The following CA4 variants were observed in gnomAD, a reference collection of about 807,000 sequenced individuals.
CA4 encodes the protein carbonic anhydrase 4, also known as CA-IV.
A neutral mutation model predicts 34.5 loss-of-function variants in CA4; 24 were observed. The ratio of observed to expected loss-of-function variants is 0.70; its 90% confidence interval spans 0.50 to 0.98. CA4 has a LOEUF of 0.98. Among genes scored for constraint, CA4 ranks in the 50% least tolerant of loss-of-function variants. The pLI is 0.00. For missense variants in CA4, 394 were observed against 396.7 expected (o/e 0.99, Z 0.06); for synonymous variants, 178 against 170.6 (o/e 1.04, Z -0.34).
intron 2 of CA4, among the ~76,000 whole-genome samples, chr17:60,156,241 G>A (rs995755444): frequency 1.3e-5 from 2 of 152,204 alleles, no homozygotes; most frequent in African/African-American, 4.8e-5. Context: ...GGCTTGGAGA[G>A]GCCATGTGCA....
intron 5 of CA4, among the ~76,000 whole-genome samples, chr17:60,165,142 G>A (rs1188432890): frequency 6.6e-6 from 1 of 152,178 alleles, no homozygotes; most frequent in Non-Finnish European, 1.5e-5. Context: ...GGGGAGTAGG[G>A]AACACTGGGC....
chr17:60,156,965 G>A (rs556245497), intron 3 of CA4: 21 of 580,596 alleles, frequency 3.6e-5, no homozygotes, highest in Middle Eastern at 4.6e-4. Context: ...GCAAAGGCGC[G>A]GAGGCATGGA....
At chr17:60,167,090 A>T (rs180899177) in intron 5 of CA4, among the ~76,000 whole-genome samples, 8 of 152,354 alleles carry the variant, frequency 5.3e-5, no homozygotes, top group African/African-American at 1.9e-4. Flanking sequence ...AGGTAAAGGA[A>T]CTTGTCCCTT....
chr17:60,155,477 G>C, intron 2 of CA4, 110 bp downstream of exon 2: 2 of 754,166 alleles, frequency 2.7e-6, no homozygotes. Context: ...TGGCTTCCCA[G>C]GCAGATATCA....
At chr17:60,177,873 T>C in the CA4 span, among the ~76,000 whole-genome samples, 1 of 152,106 alleles carries the variant, frequency 6.6e-6, no homozygotes, top group Admixed American at 6.5e-5. Flanking sequence ...AATCTGACAA[T>C]TAATGAGAAT....
At chr17:60,178,844 G>T in the CA4 span, among the ~76,000 whole-genome samples, 1 of 152,174 alleles carries the variant, frequency 6.6e-6, no homozygotes, top group Admixed American at 6.5e-5. Context: ...ATATCATGTC[G>T]TCCCTAGACA....
chr17:60,164,422 C>T (rs1160342986), downstream of CA4, among the ~76,000 whole-genome samples: 1 of 151,452 alleles, frequency 6.6e-6, no homozygotes, highest in East Asian at 1.9e-4. Context: ...TACAGTCTCA[C>T]TCTGTTGCCC....
At chr17:60,158,469 C>T in intron 7 of CA4, 23 bp downstream of exon 7, 1 of 1,611,042 alleles carries the variant, frequency 6.2e-7, no homozygotes, top group Non-Finnish European at 8.5e-7. Context: ...TGGGGCAGGG[C>T]ATGGGCTCCC....
At chr17:60,174,627 AACT>A (rs2083940926), downstream of CA4, among the ~76,000 whole-genome samples, 1 of 152,140 alleles carries the variant, frequency 6.6e-6, no homozygotes. Flanking sequence ...AAGTCTGGCA[AACT>A]TAAAAGGCCT....
intron 1 of CA4, among the ~76,000 whole-genome samples, chr17:60,151,931 CTT>C (rs1319953014): frequency 6.6e-6 from 1 of 151,846 alleles, no homozygotes; most frequent in Non-Finnish European, 1.5e-5. Context: ...GCGACTGAGA[CTT>C]TGCCCAGGAA....
At chr17:60,177,447 T>C in the CA4 span, among the ~76,000 whole-genome samples, 1 of 152,230 alleles carries the variant, frequency 6.6e-6, no homozygotes, top group African/African-American at 2.4e-5. Flanking sequence ...AGTTAATAGT[T>C]AATTTAATAA....
intron 5 of CA4, among the ~76,000 whole-genome samples, chr17:60,167,314 C>G (rs1214008447): frequency 6.6e-6 from 1 of 152,188 alleles, no homozygotes; most frequent in Non-Finnish European, 1.5e-5. Context: ...GCGCTCTCCC[C>G]CACCACTCCC....
At chr17:60,157,252 A>G (rs2083703995) in intron 3 of CA4, among the ~76,000 whole-genome samples, 175 bp from the exon 4 acceptor site, 1 of 152,190 alleles carries the variant, frequency 6.6e-6, no homozygotes, top group Admixed American at 6.5e-5. Context: ...AGGCCAGGGA[A>G]AGGTCCGGGG....
At chr17:60,150,465 G>A (rs927832972) in intron 1 of CA4, among the ~76,000 whole-genome samples, 4 of 151,876 alleles carry the variant, frequency 2.6e-5, no homozygotes, top group African/African-American at 9.7e-5. Flanking sequence ...CTGAGCCCAG[G>A]AGTTCGAGAC....
chr17:60,156,977 C>T (rs1336149717), intron 3 of CA4: 1 of 563,210 alleles, frequency 1.8e-6, no homozygotes. Context: ...AGGCATGGAA[C>T]AGCTCGGCGT....
In CA4 at chr17:60,159,331, A is replaced by G. The variant is rs1386428723; in HGVS notation, c.846A>G (p.Ile282Met). 4 of 1,609,506 alleles carry G rather than the reference A, an allele frequency of 2.5e-6. No individual in the cohort carries two copies. The highest frequency in any genetic ancestry group is 1.7e-5 in the Admixed American group (1 of 59,500). Residue 282 changes from isoleucine (I) to methionine (M), a missense_variant, in exon 8 of 8, where the codon ATA becomes ATG. Transcript: ENST00000300900. ...AGCAGCTGGGGCAGCGCACGGTGAT[A>G]AAGTCCGGGGCCCCGGGTCGGCCGC... The part of the protein sequence containing the change: ...PLQQLGQRTV[I>M]KSGAPGRPLP...
At chr17:60,174,221 G>A (rs1456486878), downstream of CA4, among the ~76,000 whole-genome samples, 5 of 152,038 alleles carry the variant, frequency 3.3e-5, no homozygotes, top group Admixed American at 2.6e-4. Context: ...TGTGACCTCC[G>A]ACATAATGGG....
chr17:60,154,980 C>T (rs550526901), intron 1 of CA4, among the ~76,000 whole-genome samples: 6 of 152,246 alleles, frequency 3.9e-5, no homozygotes, highest in Admixed American at 6.5e-5. Flanking sequence ...GAGGTAAGCG[C>T]GGAGGAGGCT....
downstream of CA4, among the ~76,000 whole-genome samples, chr17:60,172,485 T>C (rs567604328): frequency 6.6e-6 from 1 of 152,196 alleles, no homozygotes; most frequent in South Asian, 2.1e-4. Context: ...CCAAAGTGGA[T>C]TGTGAATATG....
Sources: gnomAD v4.1 joint callset for allele counts (sites outside exome capture counted in the v4.1 genomes callset) on GRCh38, gnomAD v4.1.1 for gene constraint, MANE v1.5 for transcripts, NCBI Gene and HGNC (gene_info 2026-07-23, HGNC 2026-07-21) for gene names.